Variants in TTC39C observed in about 807,000 individuals in gnomAD.
TTC39C encodes tetratricopeptide repeat protein 39C.
A neutral mutation model predicts 76.3 loss-of-function variants in TTC39C; 33 were observed. The ratio of observed to expected loss-of-function variants is 0.43; its 90% CI spans 0.33 to 0.58. TTC39C has a LOEUF of 0.58. TTC39C is among the 20% of genes least tolerant of loss of function. The pLI is 0.04. For missense variants in TTC39C, 595 were observed against 701.4 expected (o/e 0.85, Z 1.71); for synonymous variants, 254 against 260.6 (o/e 0.97, Z 0.24).
At chr18:24,096,847 A>G (rs2084596408) in intron 6 of TTC39C, among the ~76,000 whole-genome samples, 1 of 152,226 alleles carries the variant, frequency 6.6e-6, no homozygotes, top group South Asian at 2.1e-4. Context: ...AAGCTCTACC[A>G]AGTTCCAGAC....
At chr18:24,121,119 T>G (rs1375720559) in intron 8 of TTC39C, 1 of 152,156 alleles carries the variant, frequency 6.6e-6, no homozygotes, top group East Asian at 1.9e-4. Context: ...AGTTTGAAAT[T>G]ATATCAAAAT....
intron 1 of TTC39C, among the ~76,000 whole-genome samples, chr18:24,054,597 G>A (rs1314949958): frequency 6.6e-6 from 1 of 152,070 alleles, no homozygotes; most frequent in Admixed American, 6.5e-5. Flanking sequence ...GTCTGCATGT[G>A]TTGAAAAGTG....
At chr18:24,023,998 A>ACG (rs1568409089) in intron 1 of TTC39C, among the ~76,000 whole-genome samples, 6 of 3,890 alleles carry the variant, frequency 1.5e-3, no homozygotes, top group African/African-American at 3.7e-3. Context: ...ATATATATAT[A>ACG]TATATATATA....
At chr18:24,055,753 A>G (rs1438957204) in intron 1 of TTC39C, among the ~76,000 whole-genome samples, 2 of 152,078 alleles carry the variant, frequency 1.3e-5, no homozygotes, top group African/African-American at 4.8e-5. Context: ...ATGTAGTTCC[A>G]TTTATATACT....
chr18:24,116,707 A>C (rs1042396364), intron 7 of TTC39C, among the ~76,000 whole-genome samples: 1 of 152,078 alleles, frequency 6.6e-6, no homozygotes, highest in African/African-American at 2.4e-5. Context: ...CTGATAACAG[A>C]ATATTTTTTA....
At chr18:24,034,536 C>T (rs1241726629) in intron 1 of TTC39C, among the ~76,000 whole-genome samples, 4 of 152,088 alleles carry the variant, frequency 2.6e-5, no homozygotes, top group African/African-American at 4.8e-5. Context: ...ATGTACGGTA[C>T]AGTGGCATTA....
rs866359806 is a variant in TTC39C, at chr18:24,104,688, T to G, written c.985-9866T>G. Among the ~76,000 whole-genome samples the G allele has an allele frequency of 6.2e-5, 9 of 144,840 alleles. No homozygotes were observed. In the East Asian group the frequency reaches 1.7e-3, roughly 27 times the overall value. On this transcript the variant is annotated intron_variant, in intron 6 of 13. Transcript: ENST00000317571. The stretch of plus-strand genomic sequence containing the variant: ...GCCCAGCGCTTAGGGAGCAGGGTGT[T>G]TGTGTGTGTGTGTGTGTGTGTGTGT...
At chr18:24,009,034 C>T (rs186499951) in intron 1 of TTC39C, among the ~76,000 whole-genome samples, 24 of 152,170 alleles carry the variant, frequency 1.6e-4, no homozygotes, top group Admixed American at 6.5e-4. Context: ...GAACCACAGA[C>T]GCCAGGGTCT....
At chr18:24,121,750 C>G (rs960867942) in intron 8 of TTC39C, among the ~76,000 whole-genome samples, 3 of 152,160 alleles carry the variant, frequency 2.0e-5, no homozygotes, top group Non-Finnish European at 4.4e-5. Context: ...CTGAGGAAGA[C>G]CTCAAGCTAG....
chr18:24,073,821 A>G (rs922310427), intron 4 of TTC39C, among the ~76,000 whole-genome samples: 8 of 152,200 alleles, frequency 5.3e-5, no homozygotes, highest in Admixed American at 3.3e-4. Context: ...TGCCCAGCCA[A>G]TCTGGCCTTT....
At chr18:24,026,077 TC>T (rs2083596922) in intron 1 of TTC39C, among the ~76,000 whole-genome samples, 1 of 152,182 alleles carries the variant, frequency 6.6e-6, no homozygotes, top group South Asian at 2.1e-4. Context: ...GTATGGCAGT[TC>T]AGGTTTCTCT....
At chr18:24,076,644 G>A (rs1274188367) in intron 4 of TTC39C, 1 of 152,050 alleles carries the variant, frequency 6.6e-6, no homozygotes, top group African/African-American at 2.4e-5. Flanking sequence ...CAAGTTGGAC[G>A]CAGAATGTAG....
intron 1 of TTC39C, among the ~76,000 whole-genome samples, chr18:24,007,391 A>G (rs1406078695): frequency 6.6e-6 from 1 of 152,016 alleles, no homozygotes; most frequent in East Asian, 1.9e-4. Flanking sequence ...ATCTTTATTT[A>G]TTTATTTTTG....
chr18:24,055,693 T>G (rs1179235490), intron 1 of TTC39C, among the ~76,000 whole-genome samples: 5 of 152,194 alleles, frequency 3.3e-5, no homozygotes, highest in Non-Finnish European at 7.3e-5. Context: ...GTTGGTTGCC[T>G]TTTCACTCTG....
chr18:24,096,209 T>C (rs146696521), intron 6 of TTC39C, among the ~76,000 whole-genome samples: 6 of 152,340 alleles, frequency 3.9e-5, no homozygotes, highest in Admixed American at 1.3e-4. Flanking sequence ...AATGGACTTA[T>C]TCATGGCAGG....
chr18:24,009,827 G>A (rs935853920), upstream of TTC39C, among the ~76,000 whole-genome samples: 5 of 152,250 alleles, frequency 3.3e-5, no homozygotes, highest in African/African-American at 1.2e-4. Flanking sequence ...TGGCTATGTG[G>A]TTTATGAAAA....
chr18:24,011,270 A>G (rs1359357464), upstream of TTC39C, among the ~76,000 whole-genome samples: 2 of 152,052 alleles, frequency 1.3e-5, no homozygotes, highest in African/African-American at 2.4e-5. Flanking sequence ...TGCCCCTCCT[A>G]CTCACATTAA....
At chr18:23,997,339 T>C (rs2083269657) in intron 1 of TTC39C, among the ~76,000 whole-genome samples, 1 of 151,566 alleles carries the variant, frequency 6.6e-6, no homozygotes, top group African/African-American at 2.4e-5. Flanking sequence ...TCACCTGAGG[T>C]CAGGAGTTCG....
intron 1 of TTC39C, among the ~76,000 whole-genome samples, chr18:23,994,763 T>C (rs901179831): frequency 1.9e-4 from 29 of 152,196 alleles, no homozygotes; most frequent in African/African-American, 6.8e-4. Flanking sequence ...GCAGCATCTA[T>C]GAACTGCCTT....
Sources: gnomAD v4.1 joint callset for allele counts (sites outside exome capture counted in the v4.1 genomes callset) on GRCh38, gnomAD v4.1.1 for gene constraint, MANE v1.5 for transcripts, NCBI Gene and HGNC (gene_info 2026-07-23, HGNC 2026-07-21) for gene names.